SEC13: variants seen among roughly 807,000 people sequenced by gnomAD.
SEC13 encodes protein SEC13 homolog.
In SEC13, 25 loss-of-function variants were observed where a neutral mutation model predicts 49.2. That is an observed-to-expected ratio of 0.51 (90% CI 0.37 to 0.71). The LOEUF is 0.71. Ranked by LOEUF, SEC13 falls within the 30% of genes least tolerant of loss-of-function variation. SEC13 has a pLI of 0.00. For synonymous variants in SEC13, 148 were observed against 163.9 expected (o/e 0.90, Z 0.74); for missense variants, 383 against 417.6 (o/e 0.92, Z 0.72).
At chr3:10,302,886 C>T (rs1031399858) in intron 8 of SEC13, among the ~76,000 whole-genome samples, 6 of 152,192 alleles carry the variant, frequency 3.9e-5, no homozygotes, top group Non-Finnish European at 8.8e-5. Flanking sequence ...ACACATGCTA[C>T]GTACAGCATG....
At position 10,312,011 on chromosome 3, in the gene SEC13, G is replaced by C; in HGVS notation, c.404C>G (p.Thr135Ser). ...CTTTACTTCCCATTGGCCTTCCCCGGTGTAAGTCAGCAGGGAGATGGCCCC... is the reference window on the plus strand; with the variant it reads ...CTTTACTTCCCATTGGCCTTCCCCGCTGTAAGTCAGCAGGGAGATGGCCCC... ...SDGAISLLTY[T>S]GEGQWEVKKI... Residue 135 changes from threonine to serine, a missense_variant, in exon 5 of 9, where the codon ACC becomes AGC. Transcript: ENST00000350697. The C allele has an allele frequency of 6.2e-7, 1 of 1,614,188 alleles. No individual in the cohort carries two copies. Among genetic ancestry groups the C allele is most frequent in the Non-Finnish European group, 8.5e-7 (1 of 1,180,030 alleles).
intron 5 of SEC13, among the ~76,000 whole-genome samples, chr3:10,309,094 C>T (rs1202268196): frequency 2.6e-5 from 4 of 151,780 alleles, no homozygotes; most frequent in South Asian, 2.1e-4. Flanking sequence ...TGCGCCACCA[C>T]GTCTGGCTAA....
Position 10,312,063 on chromosome 3 carries a change from G to A in SEC13, c.352C>T (p.Leu118=). 6.2e-7 allele frequency: 1 copy of A among 1,611,626 alleles called. No homozygotes were observed. Among genetic ancestry groups the A allele is most frequent in the Non-Finnish European group, 8.5e-7 (1 of 1,178,896 alleles). Residue 118 remains leucine, a synonymous_variant, in exon 5 of 9, where the codon CTG becomes TTG. Coordinates refer to ENST00000350697, the MANE Select transcript of SEC13 (RefSeq NM_183352.3). The part of the protein sequence containing the change: ...SVCWAPHDYG[L]ILACGSSDGA... ...TCCGAGCTCCCACAGGCCAGGATCA[G>A]GCCGTAGTCATGGGGGGCCCAGCAC...
Position 10,304,043 on chromosome 3 carries a change from A to G in SEC13, c.838T>C (p.Ser280Pro), listed in dbSNP as rs1332518692. 1 of 1,614,156 alleles carries G rather than the reference A, an allele frequency of 6.2e-7. No individual in the cohort carries two copies. The highest frequency in any genetic ancestry group is 1.1e-5 in the South Asian group (1 of 91,082). Residue 280 changes from serine (S) to proline (P), a missense_variant, in exon 8 of 9, where the codon TCT becomes CCT. Coordinates refer to ENST00000350697, the MANE Select transcript of SEC13 (RefSeq NM_183352.3). ...GTATGTACCTTATTGTCTCCACCAG[A>G]GACAGCCAGGATGTTGGCTGTGATG... ...WSITANILAV[S>P]GGDNKVTLWK...
intron 1 of SEC13, chr3:10,320,560 G>A (rs2059758185): frequency 2.0e-6 from 2 of 986,728 alleles, no homozygotes; most frequent in Non-Finnish European, 2.4e-6. Flanking sequence ...GGGAGCTGCA[G>A]TAGGCGGCAG....
chr3:10,301,041 A>G lies in SEC13; in HGVS notation c.*220T>C. ...CAAAATAGATTTGAACATCACTTGTAGTTTCTTCCTCGTAACATGAGTGCT... is the reference window on the plus strand; with the variant it reads ...CAAAATAGATTTGAACATCACTTGTGGTTTCTTCCTCGTAACATGAGTGCT... On this transcript the variant is annotated 3_prime_UTR_variant, in exon 9 of 9. Transcript: ENST00000350697. 1 of 1,578,104 alleles carries G rather than the reference A, an allele frequency of 6.3e-7. No homozygotes were observed. Among genetic ancestry groups the G allele is most frequent in the Non-Finnish European group, 8.7e-7 (1 of 1,154,002 alleles).
chr3:10,309,165 T>C (rs1459593946), intron 5 of SEC13, among the ~76,000 whole-genome samples: 1 of 151,882 alleles, frequency 6.6e-6, no homozygotes, highest in East Asian at 1.9e-4. Flanking sequence ...CTTAAACTCC[T>C]GACTTCAGGT....
chr3:10,318,180 C>T, intron 1 of SEC13, 86 bp from the exon 2 acceptor site: 1 of 881,220 alleles, frequency 1.1e-6, no homozygotes, highest in Non-Finnish European at 1.9e-6. Flanking sequence ...TGTTTGTTCA[C>T]TCACTCATTC....
chr3:10,301,515 C>A (rs1700512002), intron 8 of SEC13, 141 bp from the exon 9 acceptor site: 3 of 1,087,776 alleles, frequency 2.8e-6, no homozygotes, highest in Non-Finnish European at 3.9e-6. Flanking sequence ...CCACTGAAAT[C>A]TCACCAAAAT....
intron 5 of SEC13, among the ~76,000 whole-genome samples, chr3:10,307,611 A>G (rs543253198): frequency 6.6e-6 from 1 of 152,208 alleles, no homozygotes; most frequent in South Asian, 2.1e-4. Context: ...CCTTCATAAA[A>G]CCATCAGATC....
intron 8 of SEC13, among the ~76,000 whole-genome samples, chr3:10,301,811 T>C (rs1700540449): frequency 6.6e-6 from 1 of 152,172 alleles, no homozygotes; most frequent in African/African-American, 2.4e-5. Context: ...TTAACAACAC[T>C]GCAGTTTGAA....
At chr3:10,310,172 C>G (rs1388674131) in intron 5 of SEC13, among the ~76,000 whole-genome samples, 1 of 152,156 alleles carries the variant, frequency 6.6e-6, no homozygotes, top group Non-Finnish European at 1.5e-5. Flanking sequence ...TCACCATCAT[C>G]TTTGATTAGC....
intron 4 of SEC13, 147 bp from the exon 5 acceptor site, chr3:10,312,245 C>T (rs1012881280): frequency 1.1e-5 from 15 of 1,355,488 alleles, no homozygotes; most frequent in South Asian, 6.1e-5. Flanking sequence ...CAACTGAGGA[C>T]ACAAAAAAAC....
Position 10,305,410 on chromosome 3 carries a change from A to G in SEC13, c.584+149T>C, listed in dbSNP as rs182288132. On this transcript the variant is annotated intron_variant, in intron 6 of 8. Coordinates refer to ENST00000350697, the MANE Select transcript of SEC13 (RefSeq NM_183352.3). ...ACAGGTGTTGTGTTGTTTTTCAAGG[A>G]TGTCCTCCAACAGATTGAAAACAGT... 1.2e-5 allele frequency: 13 copies of G among 1,118,986 alleles called. No homozygotes were observed. The Admixed American group carries it at 3.0e-4, about 26-fold the overall frequency. The allele number at this position is 1,118,986 out of a possible 1,614,324, so 69.3% of individuals were successfully genotyped here. A position where few individuals can be genotyped will look rare whatever the true frequency, so the allele number is the denominator to read the frequency against.
chr3:10,312,757 A>T, intron 3 of SEC13, 27 bp from the exon 4 acceptor site: 2 of 1,613,176 alleles, frequency 1.2e-6, no homozygotes, highest in African/African-American at 2.7e-5. Flanking sequence ...AGGCCAGAGG[A>T]ACCCACAGTG....
At chr3:10,318,654 G>T (rs978920812) in intron 1 of SEC13, among the ~76,000 whole-genome samples, 2 of 152,148 alleles carry the variant, frequency 1.3e-5, no homozygotes, top group African/African-American at 4.8e-5. Context: ...CTTCAGACTG[G>T]GAGACTTGAT....
At chr3:10,308,094 T>A (rs1701000811) in intron 5 of SEC13, among the ~76,000 whole-genome samples, 1 of 152,238 alleles carries the variant, frequency 6.6e-6, no homozygotes, top group Non-Finnish European at 1.5e-5. Context: ...ATAGTATAAT[T>A]GACATAAACT....
intron 2 of SEC13, 28 bp from the exon 3 acceptor site, chr3:10,315,464 C>A: frequency 6.4e-6 from 1 of 155,656 alleles, no homozygotes; most frequent in Non-Finnish European, 1.2e-5. Flanking sequence ...CTCGGGAAGC[C>A]TGCAGGCTGG....
chr3:10,305,183 A>G, intron 6 of SEC13, 27 bp from the exon 7 acceptor site: 2 of 1,590,408 alleles, frequency 1.3e-6, no homozygotes, highest in South Asian at 2.3e-5. Flanking sequence ...AAAGAGAATC[A>G]GCAGGGGGCC....
Sources: allele counts gnomAD v4.1 joint callset (sites outside exome capture counted in the v4.1 genomes callset), GRCh38; gene constraint gnomAD v4.1.1; transcripts MANE v1.5; gene names NCBI Gene and HGNC (gene_info 2026-07-23, HGNC 2026-07-21).